The following PDLIM5 variants were observed in gnomAD, a reference collection of about 807,000 sequenced individuals.
PDLIM5 encodes PDZ and LIM domain protein 5.
PDLIM5 carries 34 observed loss-of-function variants against 64.2 expected under a neutral mutation model. The observed-to-expected ratio is 0.53, with a 90% CI of 0.40 to 0.71. The LOEUF (loss-of-function observed/expected upper bound fraction) is 0.71. Among genes scored for constraint, PDLIM5 ranks in the 30% least tolerant of loss-of-function variants. The pLI is 0.00. For missense variants in PDLIM5, 683 were observed against 733.6 expected (o/e 0.93, Z 0.80); for synonymous variants, 253 against 269.1 (o/e 0.94, Z 0.59).
chr4:94,624,832 A>G (rs1212293069), intron 8 of PDLIM5, among the ~76,000 whole-genome samples: 1 of 152,190 alleles, frequency 6.6e-6, no homozygotes, highest in Non-Finnish European at 1.5e-5. Flanking sequence ...TTTTGAATGT[A>G]AGAGTGTGGA....
Position 94,664,103 on chromosome 4 carries a change from G to T in PDLIM5, c.*36G>T, listed in dbSNP as rs546769290. 6.8e-7 allele frequency: 1 copy of T among 1,468,298 alleles called. No homozygotes were observed. The highest frequency in any genetic ancestry group is 1.4e-5 in the South Asian group (1 of 70,222). The allele number at this position is 1,468,298 out of a possible 1,614,324, so 91.0% of individuals were successfully genotyped here. On this transcript the variant is annotated 3_prime_UTR_variant, in exon 13 of 13. Transcript: ENST00000317968. ...TTCAGGAGAAGAGAAGGAATTTGAA[G>T]AGAAAAAGGAAAATTAAAATTACTA... is the stretch of plus-strand genomic sequence containing the variant.
chr4:94,640,818 A>G (rs1209056060), intron 9 of PDLIM5, among the ~76,000 whole-genome samples: 1 of 152,214 alleles, frequency 6.6e-6, no homozygotes, highest in Non-Finnish European at 1.5e-5. Context: ...AAGTGAGGAC[A>G]TTCATTTAGA....
chr4:94,487,900 C>T (rs1726499646), intron 2 of PDLIM5, among the ~76,000 whole-genome samples: 1 of 152,050 alleles, frequency 6.6e-6, no homozygotes, highest in Non-Finnish European at 1.5e-5. Context: ...GATTCTTGTG[C>T]CTTATTCAAG....
intron 2 of PDLIM5, among the ~76,000 whole-genome samples, chr4:94,502,497 G>A (rs1728016039): frequency 6.6e-6 from 1 of 152,148 alleles, no homozygotes; most frequent in Admixed American, 6.5e-5. Context: ...TGTGACCTTA[G>A]ACTAGCAACT....
intron 7 of PDLIM5, among the ~76,000 whole-genome samples, chr4:94,589,959 T>C (rs1736555088): frequency 6.6e-6 from 1 of 151,936 alleles, no homozygotes; most frequent in Non-Finnish European, 1.5e-5. Flanking sequence ...GTTTTTTTAG[T>C]AGAGACAGGG....
chr4:94,492,862 ATTT>A (rs1726996831), intron 2 of PDLIM5, among the ~76,000 whole-genome samples: 1 of 152,130 alleles, frequency 6.6e-6, no homozygotes, highest in Non-Finnish European at 1.5e-5. Context: ...GTTGACAGAT[ATTT>A]TTATTGCTCT....
Position 94,493,461 on chromosome 4 carries a change from C to T in PDLIM5, c.97-30263C>T, listed in dbSNP as rs76743290. Among the ~76,000 whole-genome samples, 500 of 152,054 alleles carry T rather than the reference C, an allele frequency of 3.3e-3. 1 individual carries two copies. The highest frequency in any genetic ancestry group is 0.011 in the African/African-American group (466 of 41,470). ...GAGTAGCTGGGACTACAGGTTTGGG[C>T]CACCATGCTTGGATAAATTTTTAAA... On this transcript the variant is annotated intron_variant, in intron 2 of 12. Transcript: ENST00000317968.
At chr4:94,501,096 T>C (rs1027281635) in intron 2 of PDLIM5, among the ~76,000 whole-genome samples, 13 of 131,358 alleles carry the variant, frequency 9.9e-5, no homozygotes, top group Non-Finnish European at 1.6e-4. Flanking sequence ...TTTTTTTTTT[T>C]CTCAGACAAG....
chr4:94,529,457 A>G (rs1375357643), intron 3 of PDLIM5, among the ~76,000 whole-genome samples: 1 of 152,162 alleles, frequency 6.6e-6, no homozygotes, highest in South Asian at 2.1e-4. Flanking sequence ...TATATCCACT[A>G]ATTTTTAAGA....
chr4:94,627,409 C>A (rs904575368), intron 8 of PDLIM5, among the ~76,000 whole-genome samples: 6 of 152,190 alleles, frequency 3.9e-5, no homozygotes, highest in Non-Finnish European at 7.3e-5. Flanking sequence ...GTTCTTTCTC[C>A]CCATTTTCTT....
At position 94,494,429 on chromosome 4, in the gene PDLIM5, C is replaced by CTTGGTTTTTT. The variant is rs1727157489; in HGVS notation, c.97-29292_97-29291insGTTTTTTTTG. Among the ~76,000 whole-genome samples, 3 of 51,600 alleles carry CTTGGTTTTTT rather than the reference C, an allele frequency of 5.8e-5. No individual in the cohort carries two copies. In the East Asian group the frequency reaches 2.7e-3, roughly 46 times the overall value. The allele number at this position is 51,600 out of a possible 152,430, so 33.9% of individuals were successfully genotyped here. A position where few individuals can be genotyped will look rare whatever the true frequency, so the allele number is the denominator to read the frequency against. ...CTGAGCATTCACTAATTTTTTTTTT[C>CTTGGTTTTTT]TTGTTTTTTTTTTTTTTTTTTTTTT... On this transcript the variant is annotated intron_variant, in intron 2 of 12. Transcript: ENST00000317968.
intron 2 of PDLIM5, among the ~76,000 whole-genome samples, chr4:94,485,918 A>G (rs1231246353): frequency 6.6e-6 from 1 of 152,062 alleles, no homozygotes; most frequent in African/African-American, 2.4e-5. Flanking sequence ...AAAACATGAA[A>G]TCATGTGACA....
chr4:94,469,993 G>A (rs1724714475), intron 2 of PDLIM5, among the ~76,000 whole-genome samples: 1 of 103,032 alleles, frequency 9.7e-6, no homozygotes, highest in Admixed American at 1.5e-4. Context: ...TTGAGACAGA[G>A]TCTCACTCTG....
intron 11 of PDLIM5, 87 bp downstream of exon 11, chr4:94,657,634 T>A: frequency 1.1e-6 from 1 of 909,666 alleles, no homozygotes; most frequent in Middle Eastern, 2.3e-4. Flanking sequence ...AAGAAAATAT[T>A]AGGCAAAGTT....
chr4:94,579,165 GA>G (rs1560716865), intron 5 of PDLIM5: 1 of 160,686 alleles, frequency 6.2e-6, no homozygotes, highest in Non-Finnish European at 1.4e-5. Context: ...GGCATGTTAA[GA>G]AAATTTAAAT....
rs116548939 is a variant in PDLIM5 at position 94,616,793 on chromosome 4, A to G, written c.921-1211A>G. Among the ~76,000 whole-genome samples, 967 of 152,356 alleles carry G rather than the reference A, an allele frequency of 6.3e-3. 11 individuals carry two copies. Among genetic ancestry groups the G allele is most frequent in the African/African-American group, 0.022 (931 of 41,582 alleles). On this transcript the variant is annotated intron_variant, in intron 7 of 12. Transcript: ENST00000317968. ...TGAGAGAACAAGAATAGGGAGCAAT[A>G]TTTCAAGAAAATCATTCTTACTGTT...
chr4:94,513,715 TTTG>T (rs768523691), intron 2 of PDLIM5, among the ~76,000 whole-genome samples: 1 of 152,186 alleles, frequency 6.6e-6, no homozygotes, highest in African/African-American at 2.4e-5. Context: ...TTGTATCTTT[TTTG>T]TTTGTTTGTT....
At position 94,553,147 on chromosome 4, in the gene PDLIM5, C is replaced by G. The variant is rs553967286; in HGVS notation, c.249-20204C>G. 2.2e-4 allele frequency among the ~76,000 whole-genome samples: 33 copies of G among 152,008 alleles called. 1 individual carries two copies. In the South Asian group the frequency reaches 6.9e-3, roughly 32 times the overall value. ...TATTATTATTATTATTATTTTGAGA[C>G]GGGGTCTCACTCTGATGCCCAGGCT... On this transcript the variant is annotated intron_variant, in intron 3 of 12. Transcript: ENST00000317968.
chr4:94,474,465 G>T (rs1463527924), intron 2 of PDLIM5, among the ~76,000 whole-genome samples: 3 of 151,928 alleles, frequency 2.0e-5, no homozygotes, highest in African/African-American at 7.3e-5. Flanking sequence ...TGGCCAGGCT[G>T]GTATGAAACT....
Sources: allele counts gnomAD v4.1 joint callset (sites outside exome capture counted in the v4.1 genomes callset), GRCh38; gene constraint gnomAD v4.1.1; transcripts MANE v1.5; gene names NCBI Gene and HGNC (gene_info 2026-07-23, HGNC 2026-07-21).